UBE2G2: variants seen among roughly 807,000 people sequenced by gnomAD.
UBE2G2 encodes the protein ubiquitin-conjugating enzyme E2 G2.
In UBE2G2, 10 loss-of-function variants were observed where a neutral mutation model predicts 23.0. The observed-to-expected ratio is 0.43, with a 90% confidence interval of 0.27 to 0.74. UBE2G2 has a LOEUF of 0.74. Ranked by LOEUF, UBE2G2 falls within the 30% of genes least tolerant of loss-of-function variation. The pLI is 0.19. For synonymous variants in UBE2G2, 86 were observed against 81.3 expected (o/e 1.06, Z -0.31); for missense variants, 150 against 218.3 (o/e 0.69, Z 1.97).
chr21:44,774,778 C>T (rs1247408217), intron 4 of UBE2G2: 5 of 454,898 alleles, frequency 1.1e-5, no homozygotes, highest in Admixed American at 9.5e-5. Flanking sequence ...AAGTTTCCCA[C>T]TTCTGTGTTG....
At chr21:44,801,103 A>ATGGAATGCCGAG (rs1555964671) in intron 1 of UBE2G2, 3 of 156,948 alleles carry the variant, frequency 1.9e-5, no homozygotes, top group Non-Finnish European at 4.1e-5. Context: ...GTGTAAAACG[A>ATGGAATGCCGAG]TGGAATGCCG....
intron 1 of UBE2G2, among the ~76,000 whole-genome samples, chr21:44,797,606 A>T (rs982286112): frequency 6.6e-6 from 1 of 150,984 alleles, no homozygotes; most frequent in African/African-American, 2.4e-5. Context: ...TCCCAGCTAC[A>T]CGGGAGGCTG....
chr21:44,787,364 C>A (rs937557706), intron 3 of UBE2G2, among the ~76,000 whole-genome samples: 1 of 152,166 alleles, frequency 6.6e-6, no homozygotes, highest in African/African-American at 2.4e-5. Flanking sequence ...CTTACTAAGC[C>A]ATGTCTTGGG....
At chr21:44,801,354 C>T (rs781881243) in intron 1 of UBE2G2, 45 of 1,114,590 alleles carry the variant, frequency 4.0e-5, no homozygotes, top group Admixed American at 5.2e-5. Flanking sequence ...TCCGCAGCAG[C>T]AAGTCAGGCC....
At chr21:44,789,074 G>A (rs2083022763) in intron 1 of UBE2G2, among the ~76,000 whole-genome samples, 1 of 151,940 alleles carries the variant, frequency 6.6e-6, no homozygotes, top group African/African-American at 2.4e-5. Flanking sequence ...GAATAGCCAA[G>A]ACACTATCTT....
chr21:44,778,063 C>T (rs572286289), intron 3 of UBE2G2, among the ~76,000 whole-genome samples: 1 of 152,266 alleles, frequency 6.6e-6, no homozygotes, highest in East Asian at 1.9e-4. Context: ...GCTCTAAGAT[C>T]TGGGAGTTTT....
intron 2 of UBE2G2, 25 bp downstream of exon 2, chr21:44,788,035 A>G: frequency 1.9e-6 from 3 of 1,611,956 alleles, no homozygotes; most frequent in Non-Finnish European, 2.5e-6. Flanking sequence ...AGTAAATTAT[A>G]AGGAAGTTAA....
In UBE2G2 at chr21:44,771,572, A is replaced by G; in HGVS notation, c.386-83T>C. On this transcript the variant is annotated intron_variant, in intron 5 of 5. Transcript: ENST00000345496. The surrounding 1 kb of genome is among the most constrained non-coding windows in gnomAD (Gnocchi z 4.6). The stretch of plus-strand genomic sequence containing the variant: ...GCAAGGTCTCCCATTTATTTAAAAC[A>G]CTGGCGGGGGCTTTCAAGAGCTGTG... 2.2e-6 allele frequency: 3 copies of G among 1,390,426 alleles called. No homozygotes were observed. Among genetic ancestry groups the G allele is most frequent in the Non-Finnish European group, 3.0e-6 (3 of 993,034 alleles). The allele number at this position is 1,390,426 out of a possible 1,614,324, so 86.1% of individuals were successfully genotyped here. A position where few individuals can be genotyped will look rare whatever the true frequency, so the allele number is the denominator to read the frequency against.
chr21:44,792,340 C>G (rs2083052036), intron 1 of UBE2G2, among the ~76,000 whole-genome samples: 1 of 152,120 alleles, frequency 6.6e-6, no homozygotes, highest in Non-Finnish European at 1.5e-5. Context: ...TGTGTCCCTA[C>G]CCGAATCTCA....
chr21:44,778,486 A>C (rs2146388006), intron 3 of UBE2G2, among the ~76,000 whole-genome samples: 1 of 152,350 alleles, frequency 6.6e-6, no homozygotes, highest in Middle Eastern at 3.4e-3. Context: ...AAGGTTTAAA[A>C]CCCAACAAGT....
At position 44,801,531 on chromosome 21, in the gene UBE2G2, T is replaced by G. The variant is rs1198707735; in HGVS notation, c.43+175A>C. The G allele has an allele frequency of 8.9e-6, 10 of 1,119,600 alleles. No homozygotes were observed. In the African/African-American group the frequency reaches 1.3e-4, roughly 15 times the overall value. 69.4% of individuals were successfully genotyped at this position (1,119,600 alleles called of 1,614,324 possible). ...AGGCTTCTCTTCACGACTTCACGCG[T>G]GAGAGTGGGCAGCGGGCGCAGGGCG... On this transcript the variant is annotated intron_variant, in intron 1 of 5. Transcript: ENST00000345496.
In UBE2G2 at chr21:44,781,173, G is replaced by A. The variant is rs376041920; in HGVS notation, c.126-3756C>T. On this transcript the variant is annotated intron_variant, in intron 3 of 5. Transcript: ENST00000345496. ...TCAGTATTTAAAACCTGAAGTGGAT[G>A]ACTAAGGGACGATGGCCCTCCAAAA... is the stretch of plus-strand genomic sequence containing the variant. Among the ~76,000 whole-genome samples, 10 of 152,352 alleles carry A rather than the reference G, an allele frequency of 6.6e-5. No individual in the cohort carries two copies. In the South Asian group the frequency reaches 1.9e-3, roughly 28 times the overall value.
rs1569289947 is a variant in UBE2G2 at position 44,768,952 on chromosome 21, GTGAGGAATCCCA to G, written c.*2413_*2424del. 6.6e-6 allele frequency: 1 copy of G among 152,176 alleles called. No homozygotes were observed. Among genetic ancestry groups the G allele is most frequent in the African/African-American group, 2.4e-5 (1 of 41,426 alleles). The allele number at this position is 152,176 out of a possible 1,614,324, so 9.4% of individuals were successfully genotyped here. A position where few individuals can be genotyped will look rare whatever the true frequency, so the allele number is the denominator to read the frequency against. On this transcript the variant is annotated 3_prime_UTR_variant, in exon 6 of 6. Coordinates refer to ENST00000345496, the MANE Select transcript of UBE2G2 (RefSeq NM_003343.6). The stretch of plus-strand genomic sequence containing the variant: ...CCAAGTCTGCAGAAAAGCCCCCACC[GTGAGGAATCCCA>G]GCTGGGATGATCTGGTGTGCTCCCT...
intron 1 of UBE2G2, chr21:44,799,997 A>G (rs2083122380): frequency 6.6e-6 from 1 of 152,270 alleles, no homozygotes; most frequent in Non-Finnish European, 1.5e-5. Flanking sequence ...TCAGTGAAGC[A>G]CACACAACAT....
chr21:44,774,683 C>A (rs2082900157), intron 4 of UBE2G2: 1 of 455,954 alleles, frequency 2.2e-6, no homozygotes, highest in African/African-American at 2.0e-5. Context: ...CACAACTTCT[C>A]ATTCAAGGAG....
At chr21:44,776,489 T>C (rs1252067336) in intron 4 of UBE2G2, among the ~76,000 whole-genome samples, 1 of 152,200 alleles carries the variant, frequency 6.6e-6, no homozygotes, top group African/African-American at 2.4e-5. Flanking sequence ...CAAATACTAC[T>C]TTGTATCATT....
chr21:44,788,276 A>C (rs1212938532), intron 1 of UBE2G2, among the ~76,000 whole-genome samples, 181 bp from the exon 2 acceptor site: 1 of 150,496 alleles, frequency 6.6e-6, no homozygotes, highest in Admixed American at 6.7e-5. Context: ...ACAACTACAC[A>C]AAGTTTTTTT....
chr21:44,798,845 T>C (rs1158479005), intron 1 of UBE2G2, among the ~76,000 whole-genome samples: 1 of 152,248 alleles, frequency 6.6e-6, no homozygotes, highest in African/African-American at 2.4e-5. Flanking sequence ...TGATAAATCC[T>C]TTCCAGAAGA....
intron 4 of UBE2G2, chr21:44,774,958 A>C: frequency 3.0e-6 from 1 of 327,932 alleles, no homozygotes; most frequent in South Asian, 2.3e-5. Context: ...TTTAGTTCCC[A>C]AGTTGCCGGT....
Sources: allele counts gnomAD v4.1 joint callset (sites outside exome capture counted in the v4.1 genomes callset), GRCh38; gene constraint gnomAD v4.1.1; non-coding constraint Gnocchi (gnomAD v3.1); transcripts MANE v1.5; gene names NCBI Gene and HGNC (gene_info 2026-07-23, HGNC 2026-07-21).